The following DIAPH2 variants were observed in gnomAD, a reference collection of about 807,000 sequenced individuals.
DIAPH2 encodes diaphanous related formin 2, also known as protein diaphanous homolog 2.
A neutral mutation model predicts 92.7 loss-of-function variants in DIAPH2; 35 were observed. That is an observed-to-expected ratio of 0.38 (90% CI 0.29 to 0.50). The LOEUF is 0.50. DIAPH2 is among the 20% of genes least tolerant of loss of function. DIAPH2 has a pLI of 0.94. For missense variants in DIAPH2, 701 were observed against 819.5 expected (o/e 0.86, Z 1.77); for synonymous variants, 301 against 280.4 (o/e 1.07, Z -0.73).
At chrX:96,761,226 G>C (rs1202081232) in intron 4 of DIAPH2, among the ~76,000 whole-genome samples, 1 of 111,024 alleles carries the variant, frequency 9.0e-6, no homozygotes, top group East Asian at 2.8e-4. Context: ...AAATGCCAGT[G>C]TCATTCCTAG....
At chrX:97,219,788 T>C (rs1004216560) in intron 22 of DIAPH2, among the ~76,000 whole-genome samples, 1 of 112,127 alleles carries the variant, frequency 8.9e-6, no homozygotes, top group Admixed American at 9.5e-5. Flanking sequence ...TTTCCCAAGA[T>C]AGACTTTTCA....
At chrX:97,595,152 G>T (rs2071542427) in intron 26 of DIAPH2, among the ~76,000 whole-genome samples, 1 of 112,163 alleles carries the variant, frequency 8.9e-6, no homozygotes, top group African/African-American at 3.2e-5. Context: ...ACTTGACAAA[G>T]TCTTCGGTAA....
intron 23 of DIAPH2, among the ~76,000 whole-genome samples, chrX:97,288,361 A>G (rs928507985): frequency 6.3e-5 from 7 of 111,276 alleles, no homozygotes; most frequent in African/African-American, 2.3e-4. Flanking sequence ...AGGGCTAGTA[A>G]TTATATAATT....
At chrX:97,337,873 ATTTTTTTT>A (rs772010711) in intron 23 of DIAPH2, among the ~76,000 whole-genome samples, 2 of 92,733 alleles carry the variant, frequency 2.2e-5, no homozygotes, top group African/African-American at 8.0e-5. Context: ...TTATAATCTG[ATTTTTTTT>A]TTTTTTTTTT....
intron 26 of DIAPH2, among the ~76,000 whole-genome samples, chrX:97,559,747 A>G (rs1358256812): frequency 1.8e-5 from 2 of 112,085 alleles, no homozygotes; most frequent in African/African-American, 6.5e-5. Context: ...ATATAAAACC[A>G]TGAAGATTCA....
chrX:97,313,069 C>T (rs374079767), intron 23 of DIAPH2, among the ~76,000 whole-genome samples: 3 of 110,486 alleles, frequency 2.7e-5, no homozygotes, highest in African/African-American at 9.9e-5. Context: ...CCTGTAGTCC[C>T]AGCTACTGGG....
At position 97,601,758 on chromosome X, in the gene DIAPH2, G is replaced by C; in HGVS notation, c.*2441G>C. 1 of 111,781 alleles carries C rather than the reference G, an allele frequency of 8.9e-6. No homozygotes were observed. The highest frequency in any genetic ancestry group is 1.9e-5 in the Non-Finnish European group (1 of 53,192). The allele number at this position is 111,781 out of a possible 1,213,427, so 9.2% of individuals were successfully genotyped here. A position where few individuals can be genotyped will look rare whatever the true frequency, so the allele number is the denominator to read the frequency against. The stretch of plus-strand genomic sequence containing the variant: ...CTAATTGCATCCATCATCTCCTTTG[G>C]CTGCTGTAACAAATTACCACCAATA... On this transcript the variant is annotated 3_prime_UTR_variant, in exon 27 of 27. Coordinates refer to ENST00000324765, the MANE Select transcript of DIAPH2 (RefSeq NM_006729.5).
At chrX:97,178,450 T>C (rs1339209479) in intron 22 of DIAPH2, among the ~76,000 whole-genome samples, 1 of 77,775 alleles carries the variant, frequency 1.3e-5, no homozygotes, top group African/African-American at 5.1e-5. Flanking sequence ...TCTCTTTTTT[T>C]TTTTTTTTTT....
rs1327288217 is a variant in DIAPH2, at chrX:96,976,108, GT to G, written c.2050+10902del. ...CTCACTGCGGCCTCGACCTCCCAGG[GT>G]CATGTGATCCTCCAACCTCAGCCTC... On this transcript the variant is annotated intron_variant, in intron 17 of 26. Transcript: ENST00000324765. 8.6e-4 allele frequency among the ~76,000 whole-genome samples: 90 copies of G among 104,819 alleles called. 1 individual carries two copies. Among genetic ancestry groups the G allele is most frequent in the African/African-American group, 3.1e-3 (89 of 28,357 alleles). The allele number at this position is 104,819 out of a possible 115,157, so 91.0% of individuals were successfully genotyped here. A position where few individuals can be genotyped will look rare whatever the true frequency, so the allele number is the denominator to read the frequency against.
At chrX:96,931,720 G>A (rs989820996) in intron 10 of DIAPH2, among the ~76,000 whole-genome samples, 2 of 111,390 alleles carry the variant, frequency 1.8e-5, no homozygotes, top group African/African-American at 6.5e-5. Flanking sequence ...ACATTTCCTG[G>A]TGAGGAATCA....
intron 23 of DIAPH2, among the ~76,000 whole-genome samples, chrX:97,314,732 GTTAGAGAAT>G (rs1342197069): frequency 8.9e-6 from 1 of 111,790 alleles, no homozygotes; most frequent in Non-Finnish European, 1.9e-5. Context: ...CTGAAAAGGT[GTTAGAGAAT>G]TTAGAGAAAT....
chrX:96,701,841 T>C (rs1309643152), intron 1 of DIAPH2, among the ~76,000 whole-genome samples: 4 of 111,822 alleles, frequency 3.6e-5, no homozygotes, highest in Non-Finnish European at 5.6e-5. Flanking sequence ...AGTGAGCACC[T>C]ACAGTATTTC....
chrX:96,992,520 C>T (rs1191637264), intron 17 of DIAPH2, among the ~76,000 whole-genome samples: 1 of 112,018 alleles, frequency 8.9e-6, no homozygotes, highest in African/African-American at 3.2e-5. Flanking sequence ...TTTTGTAATA[C>T]TGAGCATATT....
intron 23 of DIAPH2, among the ~76,000 whole-genome samples, chrX:97,318,482 CTTTTTTTTTTT>C (rs745350367): frequency 4.3e-5 from 2 of 46,326 alleles, no homozygotes; most frequent in Non-Finnish European, 8.0e-5. Flanking sequence ...TTTTTCTTTA[CTTTTTTTTTTT>C]TTTTTTTTTT....
chrX:96,735,089 C>A (rs1209429042), intron 1 of DIAPH2, among the ~76,000 whole-genome samples: 1 of 111,598 alleles, frequency 9.0e-6, no homozygotes, highest in Non-Finnish European at 1.9e-5. Flanking sequence ...AATCATGGAA[C>A]ATAACTACAT....
chrX:97,250,421 G>T (rs2068179318), intron 23 of DIAPH2, among the ~76,000 whole-genome samples: 1 of 112,117 alleles, frequency 8.9e-6, no homozygotes, highest in Non-Finnish European at 1.9e-5. Flanking sequence ...AACTGAATAT[G>T]CAGGTTGGAT....
At chrX:96,837,144 G>C (rs920514034) in intron 4 of DIAPH2, among the ~76,000 whole-genome samples, 1 of 111,060 alleles carries the variant, frequency 9.0e-6, no homozygotes, top group African/African-American at 3.3e-5. Flanking sequence ...TCACTGGAAA[G>C]ATATACACTG....
At chrX:96,812,550 T>A (rs182815761) in intron 4 of DIAPH2, among the ~76,000 whole-genome samples, 1 of 111,710 alleles carries the variant, frequency 9.0e-6, no homozygotes, top group East Asian at 2.8e-4. Flanking sequence ...AGTTATTTCT[T>A]GCCCTCTGCT....
intron 25 of DIAPH2, among the ~76,000 whole-genome samples, chrX:97,415,167 C>T (rs1445389484): frequency 8.9e-6 from 1 of 112,127 alleles, no homozygotes; most frequent in Non-Finnish European, 1.9e-5. Flanking sequence ...CGTCTCACAC[C>T]AGTTAGAATG....
Sources: gnomAD v4.1 joint callset for allele counts (sites outside exome capture counted in the v4.1 genomes callset) on GRCh38, gnomAD v4.1.1 for gene constraint, MANE v1.5 for transcripts, NCBI Gene and HGNC (gene_info 2026-07-23, HGNC 2026-07-21) for gene names.